Variants in SCAPER observed in about 807,000 individuals in gnomAD.
The protein encoded by SCAPER is S phase cyclin A-associated protein in the endoplasmic reticulum.
Under a neutral mutation model 182.2 loss-of-function variants are expected in SCAPER, and 98 were observed. The ratio of observed to expected loss-of-function variants is 0.54; its 90% CI spans 0.46 to 0.64. The LOEUF (loss-of-function observed/expected upper bound fraction) is 0.64, where lower values mean the gene tolerates loss of function less well. Among genes scored for constraint, SCAPER ranks in the 30% least tolerant of loss-of-function variants. SCAPER has a pLI of 0.00. For synonymous variants in SCAPER, 605 were observed against 564.6 expected (o/e 1.07, Z -1.01); for missense variants, 1,432 against 1,690.0 (o/e 0.85, Z 2.68).
intron 5 of SCAPER, among the ~76,000 whole-genome samples, chr15:76,815,189 A>G (rs936160971): frequency 1.3e-5 from 2 of 152,200 alleles, no homozygotes; most frequent in African/African-American, 4.8e-5. Context: ...CCATTATGGA[A>G]AACAGTATGA....
chr15:76,745,354 C>T (rs1010620497), intron 15 of SCAPER, among the ~76,000 whole-genome samples: 3 of 152,036 alleles, frequency 2.0e-5, no homozygotes, highest in Non-Finnish European at 2.9e-5. Flanking sequence ...GAGGCTGAGG[C>T]GGGAGAATGG....
chr15:76,742,375 T>C (rs1181924218), intron 15 of SCAPER, among the ~76,000 whole-genome samples: 1 of 39,620 alleles, frequency 2.5e-5, no homozygotes, highest in Non-Finnish European at 5.9e-5. Flanking sequence ...GGCACAAGAA[T>C]TTAACTGATA....
intron 17 of SCAPER, 123 bp downstream of exon 17, chr15:76,728,472 C>G: frequency 7.7e-7 from 1 of 1,293,504 alleles, no homozygotes; most frequent in Non-Finnish European, 1.1e-6. Flanking sequence ...AGTTCAAGAT[C>G]AACCTGGGGA....
chr15:76,814,273 T>C (rs1336790937), intron 5 of SCAPER, among the ~76,000 whole-genome samples: 2 of 152,168 alleles, frequency 1.3e-5, no homozygotes, highest in African/African-American at 2.4e-5. Context: ...AAAATTTGTA[T>C]GGAACTACAA....
intron 23 of SCAPER, among the ~76,000 whole-genome samples, chr15:76,561,126 C>T (rs1480839331): frequency 6.6e-6 from 1 of 152,096 alleles, no homozygotes; most frequent in African/African-American, 2.4e-5. Flanking sequence ...CTAAGGTGAG[C>T]TTAGAGTAGA....
intron 8 of SCAPER, among the ~76,000 whole-genome samples, chr15:76,783,779 C>T (rs909883767): frequency 6.6e-6 from 1 of 152,134 alleles, no homozygotes; most frequent in Non-Finnish European, 1.5e-5. Flanking sequence ...GAAAAAAAGA[C>T]AAAAACCGCA....
chr15:76,638,123 T>A (rs2053796666), intron 21 of SCAPER, among the ~76,000 whole-genome samples: 1 of 152,174 alleles, frequency 6.6e-6, no homozygotes, highest in Non-Finnish European at 1.5e-5. Context: ...ATGGGATCTT[T>A]TGAAGCACAT....
intron 22 of SCAPER, among the ~76,000 whole-genome samples, chr15:76,608,724 C>T (rs975511173): frequency 1.1e-4 from 17 of 152,186 alleles, no homozygotes; most frequent in African/African-American, 3.9e-4. Context: ...TCGGCAATGG[C>T]GGGCGCCCCT....
Position 76,701,853 on chromosome 15 carries a change from C to T in SCAPER, c.2413G>A (p.Val805Ile). The change falls in exon 20 of 32, where the codon GTA (valine) becomes ATA (isoleucine). Residue 805 changes from valine to isoleucine, a missense_variant. This residue lies in a region of SCAPER where 718 missense variants were observed against 799.7 expected (regional missense o/e 0.90). Transcript: ENST00000563290. ...CCTTTAACATGGCTAAAAAGATATACCTCTGAAGAGATCTGAAAGCACAAA... is the reference window on the plus strand; with the variant it reads ...CCTTTAACATGGCTAAAAAGATATATCTCTGAAGAGATCTGAAAGCACAAA... ...SLCNVLISSE[V>I]YLFSHVKGRK... 1.9e-6 allele frequency: 3 copies of T among 1,613,214 alleles called. No individual in the cohort carries two copies. Among genetic ancestry groups the T allele is most frequent in the Non-Finnish European group, 2.5e-6 (3 of 1,179,352 alleles).
chr15:76,600,383 G>A (rs1469481783), intron 22 of SCAPER, among the ~76,000 whole-genome samples: 1 of 40,478 alleles, frequency 2.5e-5, no homozygotes, highest in Non-Finnish European at 7.9e-5. Context: ...GAAAGTGTGT[G>A]TATATGTGTG....
intron 26 of SCAPER, among the ~76,000 whole-genome samples, chr15:76,419,714 C>CT (rs1332510300): frequency 1.3e-5 from 2 of 152,036 alleles, no homozygotes; most frequent in East Asian, 3.9e-4. Flanking sequence ...GAGCAAAACT[C>CT]TGTCTCAAAA....
chr15:76,511,226 T>A (rs1474681339), intron 23 of SCAPER, among the ~76,000 whole-genome samples: 1 of 151,922 alleles, frequency 6.6e-6, no homozygotes, highest in Non-Finnish European at 1.5e-5. Flanking sequence ...TAACCAAATA[T>A]CACCTGTTCC....
At chr15:76,829,047 A>T (rs1598962983) in intron 5 of SCAPER, among the ~76,000 whole-genome samples, 1 of 152,214 alleles carries the variant, frequency 6.6e-6, no homozygotes, top group Non-Finnish European at 1.5e-5. Context: ...CAAAAATTTG[A>T]AACCAACCTA....
intron 23 of SCAPER, among the ~76,000 whole-genome samples, chr15:76,509,826 C>T (rs1014026547): frequency 2.6e-5 from 4 of 152,142 alleles, no homozygotes; most frequent in Non-Finnish European, 4.4e-5. Flanking sequence ...TCAAACTATA[C>T]TATAAGGCCA....
intron 20 of SCAPER, among the ~76,000 whole-genome samples, chr15:76,694,777 T>A (rs1391345479): frequency 6.6e-6 from 1 of 152,050 alleles, no homozygotes; most frequent in Non-Finnish European, 1.5e-5. Context: ...GAAAGAAAAA[T>A]CATAAGATAT....
chr15:76,515,790 G>A (rs2042371862), intron 23 of SCAPER, among the ~76,000 whole-genome samples: 1 of 152,172 alleles, frequency 6.6e-6, no homozygotes, highest in African/African-American at 2.4e-5. Flanking sequence ...CTAGCAAAAA[G>A]CAGGTGTTCA....
chr15:76,377,400 A>T (rs1449343178), intron 28 of SCAPER, among the ~76,000 whole-genome samples: 2 of 152,152 alleles, frequency 1.3e-5, no homozygotes, highest in East Asian at 3.8e-4. Context: ...GCCTTTATTT[A>T]ATTAGTCACG....
chr15:76,745,290 A>C, intron 15 of SCAPER, among the ~76,000 whole-genome samples: 1 of 152,070 alleles, frequency 6.6e-6, no homozygotes, highest in East Asian at 1.9e-4. Flanking sequence ...AAAATAAAAA[A>C]ATAAAAAAAT....
At chr15:76,819,027 C>T (rs185320554) in intron 5 of SCAPER, among the ~76,000 whole-genome samples, 29 of 152,330 alleles carry the variant, frequency 1.9e-4, no homozygotes, top group African/African-American at 6.7e-4. Flanking sequence ...AAGGCGGCAG[C>T]GAGGCAGGGG....
Sources: gnomAD v4.1 joint callset for allele counts (sites outside exome capture counted in the v4.1 genomes callset) on GRCh38, gnomAD v4.1.1 for gene constraint, gnomAD v4.1.1 regional missense constraint, MANE v1.5 for transcripts, NCBI Gene and HGNC (gene_info 2026-07-23, HGNC 2026-07-21) for gene names.